SLC4A8: variants seen among roughly 807,000 people sequenced by gnomAD.
SLC4A8 encodes the protein electroneutral sodium bicarbonate exchanger 1.
A neutral mutation model predicts 125.0 loss-of-function variants in SLC4A8; 40 were observed. That is an observed-to-expected ratio of 0.32 (90% CI 0.25 to 0.42). SLC4A8 has a LOEUF of 0.42. SLC4A8 is among the 10% of genes least tolerant of loss of function. The pLI, the probability that SLC4A8 is intolerant of heterozygous loss-of-function variation, is 1.00. For synonymous variants in SLC4A8, 456 were observed against 476.0 expected, an observed-to-expected ratio of 0.96 and a Z score of 0.55; for missense variants, 863 against 1,355.1, an observed-to-expected ratio of 0.64 and a Z score of 5.70.
At chr12:51,439,066 A>AT (rs1281669771) in intron 1 of SLC4A8, among the ~76,000 whole-genome samples, 6 of 151,686 alleles carry the variant, frequency 4.0e-5, no homozygotes, top group South Asian at 2.1e-4. Context: ...GACTTTTTTT[A>AT]TTTTTTTTGA....
intron 23 of SLC4A8, among the ~76,000 whole-genome samples, chr12:51,505,112 G>T (rs1176527413): frequency 1.1e-4 from 16 of 152,228 alleles, no homozygotes; most frequent in Non-Finnish European, 2.4e-4. Context: ...TCTACGTGTT[G>T]TTGTGGAAGG....
At chr12:51,403,723 A>T (rs1369781127) in intron 1 of SLC4A8, among the ~76,000 whole-genome samples, 3 of 152,228 alleles carry the variant, frequency 2.0e-5, no homozygotes, top group African/African-American at 7.2e-5. Flanking sequence ...ATTTTATTTA[A>T]CACCCGGCAA....
chr12:51,453,684 A>C lies in SLC4A8; in HGVS notation c.559A>C (p.Ile187Leu). ...TVLLDMHANS[I>L]EEISDLILDQ... is the part of the protein sequence containing the mutation. ...CCTCCTGGATATGCATGCAAATAGC[A>C]TAGAAGAAATTTCAGGTAAGGTTGG... The change falls in exon 5 of 25, where the codon ATA (isoleucine) becomes CTA (leucine). Residue 187 changes from isoleucine to leucine, a missense_variant. Transcript: ENST00000453097. 1 of 1,613,006 alleles carries C rather than the reference A, an allele frequency of 6.2e-7. No individual in the cohort carries two copies.
chr12:51,487,033 G>A (rs1951180319), intron 17 of SLC4A8, among the ~76,000 whole-genome samples: 1 of 152,190 alleles, frequency 6.6e-6, no homozygotes, highest in Non-Finnish European at 1.5e-5. Context: ...GGTAATATGG[G>A]AACATTAAGC....
chr12:51,416,585 G>T (rs1463135001), intron 1 of SLC4A8, among the ~76,000 whole-genome samples: 4 of 152,118 alleles, frequency 2.6e-5, no homozygotes, highest in African/African-American at 7.2e-5. Context: ...AGATGTTGTG[G>T]TGAGCCAAAA....
intron 1 of SLC4A8, among the ~76,000 whole-genome samples, chr12:51,427,481 AG>A (rs1310510954): frequency 6.6e-6 from 1 of 152,132 alleles, no homozygotes; most frequent in Non-Finnish European, 1.5e-5. Flanking sequence ...GGTGAGGAGA[AG>A]AAAAGGAATA....
chr12:51,469,711 C>G lies in SLC4A8; in HGVS notation c.1447C>G (p.Leu483Val). 6.2e-7 allele frequency: 1 copy of G among 1,614,138 alleles called. No individual in the cohort carries two copies. Among genetic ancestry groups the G allele is most frequent in the South Asian group, 1.1e-5 (1 of 91,062 alleles). Residue 483 changes from leucine to valine, a missense_variant, in exon 12 of 25, where the codon CTG becomes GTG. Coordinates refer to ENST00000453097, the MANE Select transcript of SLC4A8 (RefSeq NM_001039960.3). ...CAGCTTACAGTGTTTGGCTTCCTTT[C>G]TGTTCCTGTACTGTGCCTGCATGTC... is the stretch of plus-strand genomic sequence containing the variant. ...ALSLQCLASF[L>V]FLYCACMSPV...
intron 1 of SLC4A8, among the ~76,000 whole-genome samples, chr12:51,413,378 G>T (rs183676259): frequency 2.0e-5 from 3 of 152,220 alleles, no homozygotes; most frequent in Admixed American, 2.0e-4. Flanking sequence ...TCTTTACTCT[G>T]TTGATTGTTT....
At chr12:51,397,346 CTAA>C (rs973065769) in intron 1 of SLC4A8, among the ~76,000 whole-genome samples, 1 of 152,174 alleles carries the variant, frequency 6.6e-6, no homozygotes, top group African/African-American at 2.4e-5. Flanking sequence ...GAAAATATGA[CTAA>C]TGAGTTTGCT....
chr12:51,401,367 G>T (rs1206611479), intron 1 of SLC4A8, among the ~76,000 whole-genome samples: 1 of 152,160 alleles, frequency 6.6e-6, no homozygotes, highest in East Asian at 1.9e-4. Context: ...ATTTTAAGTA[G>T]CTCTCAGTAG....
chr12:51,482,979 C>G (rs1359272293), intron 16 of SLC4A8, among the ~76,000 whole-genome samples: 1 of 152,182 alleles, frequency 6.6e-6, no homozygotes, highest in Non-Finnish European at 1.5e-5. Flanking sequence ...ACTTATTTTT[C>G]TAGCATCAGG....
At chr12:51,466,993 T>A (rs1452434855) in intron 11 of SLC4A8, among the ~76,000 whole-genome samples, 1 of 151,110 alleles carries the variant, frequency 6.6e-6, no homozygotes, top group Admixed American at 6.6e-5. Context: ...GTGTAGGGGG[T>A]CACTATTATG....
chr12:51,459,968 G>GA lies in SLC4A8; in HGVS notation c.880dup (p.Ile294AsnfsTer62). 1 of 1,613,630 alleles carries GA rather than the reference G, an allele frequency of 6.2e-7. No homozygotes were observed. Among genetic ancestry groups the GA allele is most frequent in the Non-Finnish European group, 8.5e-7 (1 of 1,179,764 alleles). On this transcript the variant is annotated frameshift_variant, in exon 8 of 25. Transcript: ENST00000453097. LOFTEE classifies it high-confidence loss of function. ...ACTTTCAGGTAGACCTTCATTTCATGAAAAAAATTCCTACTGGGGCCGAGG... is the reference window on the plus strand; with the variant it reads ...ACTTTCAGGTAGACCTTCATTTCATGAAAAAAAATTCCTACTGGGGCCGAGG...
At chr12:51,473,506 A>G (rs531420406) in intron 14 of SLC4A8, among the ~76,000 whole-genome samples, 3 of 152,184 alleles carry the variant, frequency 2.0e-5, no homozygotes, top group African/African-American at 4.8e-5. Context: ...CGTTTTGTCA[A>G]TTTCTTCCTA....
chr12:51,427,279 G>A (rs898214724), intron 1 of SLC4A8, among the ~76,000 whole-genome samples: 1 of 152,118 alleles, frequency 6.6e-6, no homozygotes, highest in African/African-American at 2.4e-5. Flanking sequence ...GCAGTGGGGA[G>A]AATAGGTTGG....
chr12:51,494,646 A>T (rs1431633604), intron 20 of SLC4A8: 1 of 224,864 alleles, frequency 4.4e-6, no homozygotes, highest in East Asian at 9.6e-5. Flanking sequence ...AAAAGATGTA[A>T]TTGGTTTATT....
intron 14 of SLC4A8, among the ~76,000 whole-genome samples, chr12:51,472,137 C>T (rs921700989): frequency 2.6e-5 from 4 of 152,188 alleles, no homozygotes; most frequent in African/African-American, 7.2e-5. Context: ...AAAAGAAACA[C>T]GGTACCTGGC....
chr12:51,425,057 C>T (rs1363576782), intron 1 of SLC4A8, 22 bp downstream of exon 1: 5 of 1,545,618 alleles, frequency 3.2e-6, no homozygotes, highest in African/African-American at 1.4e-5. Context: ...CCTCCCGCGC[C>T]TCCCGCTCCT....
chr12:51,478,261 C>T (rs1950914256), intron 16 of SLC4A8, among the ~76,000 whole-genome samples: 1 of 135,782 alleles, frequency 7.4e-6, no homozygotes, highest in South Asian at 2.4e-4. Flanking sequence ...GGGGACAGAG[C>T]GAAACTCCGT....
Sources: allele counts gnomAD v4.1 joint callset (sites outside exome capture counted in the v4.1 genomes callset), GRCh38; gene constraint gnomAD v4.1.1; transcripts MANE v1.5; gene names NCBI Gene and HGNC (gene_info 2026-07-23, HGNC 2026-07-21).